Variants in LCLAT1 observed in about 807,000 individuals in gnomAD.
LCLAT1 encodes the protein lysocardiolipin acyltransferase 1, also known as 1-AGP acyltransferase 8.
LCLAT1 carries 11 observed loss-of-function variants against 30.7 expected under a neutral mutation model. The ratio of observed to expected loss-of-function variants is 0.36; its 90% CI spans 0.23 to 0.59. LCLAT1 has a LOEUF of 0.59. LCLAT1 is among the 20% of genes least tolerant of loss of function. The pLI, the probability that LCLAT1 is intolerant of heterozygous loss-of-function variation, is 0.77. For missense variants in LCLAT1, 402 were observed against 458.6 expected (o/e 0.88, Z 1.13); for synonymous variants, 155 against 151.3 (o/e 1.02, Z -0.18).
intron 5 of LCLAT1, among the ~76,000 whole-genome samples, chr2:30,601,140 A>G (rs1447671500): frequency 6.6e-6 from 1 of 152,108 alleles, no homozygotes; most frequent in African/African-American, 2.4e-5. Context: ...CCATCAGATC[A>G]TTTATGTTCA....
At chr2:30,452,713 G>A (rs2148255987) in intron 1 of LCLAT1, among the ~76,000 whole-genome samples, 1 of 152,254 alleles carries the variant, frequency 6.6e-6, no homozygotes, top group Non-Finnish European at 1.5e-5. Flanking sequence ...TCCCTGTGAG[G>A]CACTAATTGC....
chr2:30,557,943 A>G lies in LCLAT1; in HGVS notation c.365-4203A>G, dbSNP rs541232731. 5.3e-5 allele frequency among the ~76,000 whole-genome samples: 8 copies of G among 152,304 alleles called. No individual in the cohort carries two copies. The East Asian group carries it at 1.5e-3, about 29-fold the overall frequency. ...ATTGCCACTGGTCAATTGAATATCC[A>G]TTCAGAAAACAAACAATTTTAACCT... is the stretch of plus-strand genomic sequence containing the variant. On this transcript the variant is annotated intron_variant, in intron 3 of 5. Transcript: ENST00000379509.
chr2:30,539,055 G>A lies in LCLAT1; in HGVS notation c.364+5741G>A, dbSNP rs1663973930. On this transcript the variant is annotated intron_variant, in intron 3 of 5. Coordinates refer to ENST00000379509, the MANE Select transcript of LCLAT1 (RefSeq NM_001002257.3). ...GCTCACTCCAACCTCCACCTACCTG[G>A]TTCAAGCGATTTTCCTGCCTCAGCC... 2.0e-5 allele frequency among the ~76,000 whole-genome samples: 3 copies of A among 151,388 alleles called. No individual in the cohort carries two copies. The South Asian group carries it at 6.3e-4, about 32-fold the overall frequency.
chr2:30,523,820 A>G (rs774009902), intron 1 of LCLAT1, among the ~76,000 whole-genome samples: 2 of 152,218 alleles, frequency 1.3e-5, no homozygotes, highest in African/African-American at 4.8e-5. Context: ...GTGAGCCCAG[A>G]TCGCACCACT....
intron 1 of LCLAT1, among the ~76,000 whole-genome samples, chr2:30,495,317 C>T (rs1409867038): frequency 2.0e-5 from 3 of 151,978 alleles, no homozygotes; most frequent in South Asian, 2.1e-4. Flanking sequence ...TGGAAAGGAC[C>T]TTCAAGATCA....
chr2:30,508,569 A>T (rs779107094), intron 1 of LCLAT1, among the ~76,000 whole-genome samples: 1 of 151,992 alleles, frequency 6.6e-6, no homozygotes, highest in Non-Finnish European at 1.5e-5. Context: ...TGTAGGCGTG[A>T]TGCCTTATTT....
chr2:30,521,392 T>A (rs1371948245), intron 1 of LCLAT1, among the ~76,000 whole-genome samples: 2 of 150,272 alleles, frequency 1.3e-5, no homozygotes, highest in African/African-American at 2.4e-5. Context: ...TTGGGCGAGA[T>A]CCAAGAACTC....
At chr2:30,483,480 CT>C (rs751023722) in intron 1 of LCLAT1, among the ~76,000 whole-genome samples, 5 of 152,156 alleles carry the variant, frequency 3.3e-5, no homozygotes, top group Non-Finnish European at 7.3e-5. Context: ...CTGTCTTTAT[CT>C]TTAAAGTGAG....
chr2:30,479,238 T>G (rs1572501720), intron 1 of LCLAT1, among the ~76,000 whole-genome samples: 2 of 146,888 alleles, frequency 1.4e-5, no homozygotes, highest in South Asian at 4.4e-4. Flanking sequence ...TTTTCTTTGG[T>G]TTTTTTTTTG....
intron 5 of LCLAT1, among the ~76,000 whole-genome samples, chr2:30,589,967 A>G (rs6734928): frequency 0.035 from 5,364 of 152,110 alleles, 127 homozygotes; most frequent in Middle Eastern, 0.068. Context: ...TTCCTTCTGT[A>G]TGGCATTTTA....
intron 3 of LCLAT1, among the ~76,000 whole-genome samples, chr2:30,550,055 G>A (rs761441730): frequency 1.3e-5 from 2 of 152,158 alleles, no homozygotes; most frequent in East Asian, 1.9e-4. Context: ...TATAGTAAGC[G>A]AATTCCAAGT....
chr2:30,634,591 T>C (rs1668934639), intron 5 of LCLAT1, among the ~76,000 whole-genome samples: 1 of 152,132 alleles, frequency 6.6e-6, no homozygotes, highest in African/African-American at 2.4e-5. Flanking sequence ...AGCGCAAAAC[T>C]CCATCTCAAA....
In LCLAT1 at chr2:30,525,743, C is replaced by T. The variant is rs753548497; in HGVS notation, c.153C>T (p.Leu51=). 2.5e-6 allele frequency: 4 copies of T among 1,614,068 alleles called. No individual in the cohort carries two copies. The highest frequency in any genetic ancestry group is 4.5e-5 in the East Asian group (2 of 44,862). ...WINNRLVATW[L]TLPVALLETM... is the part of the protein sequence containing the mutation. ...ACAACCGCCTTGTGGCAACATGGCTCACCCTACCTGTGGTAAGTTACACAC... is the reference window on the plus strand; with the variant it reads ...ACAACCGCCTTGTGGCAACATGGCTTACCCTACCTGTGGTAAGTTACACAC... Residue 51 remains leucine (L), a synonymous_variant, in exon 2 of 6, where the codon CTC becomes CTT. Transcript: ENST00000379509.
chr2:30,620,464 C>T (rs1418688809), intron 5 of LCLAT1, among the ~76,000 whole-genome samples: 4 of 152,156 alleles, frequency 2.6e-5, no homozygotes, highest in Non-Finnish European at 5.9e-5. Context: ...GTAGTAACTG[C>T]TGTAAAATGG....
intron 5 of LCLAT1, among the ~76,000 whole-genome samples, chr2:30,568,864 CAAAAAAAA>C (rs61325694): frequency 5.6e-5 from 5 of 89,116 alleles, no homozygotes; most frequent in Admixed American, 1.5e-4. Flanking sequence ...TCATGAATAG[CAAAAAAAA>C]AAAAAAAAAA....
intron 3 of LCLAT1, among the ~76,000 whole-genome samples, chr2:30,551,269 A>C (rs1464678418): frequency 6.6e-6 from 1 of 152,200 alleles, no homozygotes; most frequent in Non-Finnish European, 1.5e-5. Flanking sequence ...GGCTTCCCAA[A>C]GTGCTGAGAT....
chr2:30,618,192 G>A lies in LCLAT1; in HGVS notation c.629-21925G>A, dbSNP rs191989832. Among the ~76,000 whole-genome samples the A allele has an allele frequency of 2.2e-3, 328 of 152,216 alleles. 2 individuals are homozygous for A. Among genetic ancestry groups the A allele is most frequent in the Admixed American group, 2.9e-3 (45 of 15,276 alleles). On this transcript the variant is annotated intron_variant, in intron 5 of 5. Transcript: ENST00000379509. The stretch of plus-strand genomic sequence containing the variant: ...ACCTTTATAGTAAGTCCTGAAATGA[G>A]CAGCTAATGCCAAGCCTCCATCTTT...
intron 1 of LCLAT1, among the ~76,000 whole-genome samples, chr2:30,459,318 G>A (rs1423985695): frequency 6.6e-6 from 1 of 152,098 alleles, no homozygotes; most frequent in Admixed American, 6.6e-5. Flanking sequence ...TCTCTCTCTG[G>A]AACTTTGTAG....
chr2:30,448,286 C>T (rs1681366924), intron 1 of LCLAT1, among the ~76,000 whole-genome samples: 2 of 152,198 alleles, frequency 1.3e-5, no homozygotes, highest in African/African-American at 4.8e-5. Flanking sequence ...AAAGAAACGT[C>T]ATCTCATGAA....
Sources: allele counts gnomAD v4.1 joint callset (sites outside exome capture counted in the v4.1 genomes callset), GRCh38; gene constraint gnomAD v4.1.1; transcripts MANE v1.5; gene names NCBI Gene and HGNC (gene_info 2026-07-23, HGNC 2026-07-21).